The following SLC44A1 variants were observed in gnomAD, a reference collection of about 807,000 sequenced individuals.
SLC44A1 encodes the protein solute carrier family 44 member 1.
In SLC44A1, 26 loss-of-function variants were observed where a neutral mutation model predicts 79.3. The ratio of observed to expected loss-of-function variants is 0.33; its 90% CI spans 0.24 to 0.46. The LOEUF (loss-of-function observed/expected upper bound fraction) is 0.46, where lower values mean the gene tolerates loss of function less well. Ranked by LOEUF, SLC44A1 falls within the 20% of genes least tolerant of loss-of-function variation. The pLI is 1.00. For missense variants in SLC44A1, 688 were observed against 798.1 expected, an observed-to-expected ratio of 0.86 and a Z score of 1.66; for synonymous variants, 263 against 286.2, an observed-to-expected ratio of 0.92 and a Z score of 0.82.
intron 2 of SLC44A1, among the ~76,000 whole-genome samples, chr9:105,300,986 T>TCTCAAA (rs1830863451): frequency 6.6e-6 from 1 of 152,078 alleles, no homozygotes; most frequent in Non-Finnish European, 1.5e-5. Flanking sequence ...GCCAGGCTGA[T>TCTCAAA]CTCAAACTCC....
chr9:105,259,075 C>T (rs1344779107), intron 1 of SLC44A1, among the ~76,000 whole-genome samples: 4 of 152,118 alleles, frequency 2.6e-5, no homozygotes, highest in East Asian at 1.9e-4. Flanking sequence ...GGCCAGGGTA[C>T]GACAGTTTGG....
At chr9:105,251,016 C>G (rs1054307410) in intron 1 of SLC44A1, among the ~76,000 whole-genome samples, 1 of 152,144 alleles carries the variant, frequency 6.6e-6, no homozygotes, top group Non-Finnish European at 1.5e-5. Context: ...CTTCCTTACC[C>G]TTTCTCTAGG....
chr9:105,405,536 G>C (rs1457906823), intron 15 of SLC44A1, among the ~76,000 whole-genome samples: 1 of 152,132 alleles, frequency 6.6e-6, no homozygotes, highest in Non-Finnish European at 1.5e-5. Flanking sequence ...TAACTTATCT[G>C]CATACCATCT....
chr9:105,297,042 T>C (rs1830742430), intron 1 of SLC44A1, among the ~76,000 whole-genome samples: 1 of 152,170 alleles, frequency 6.6e-6, no homozygotes, highest in South Asian at 2.1e-4. Context: ...TACATTCCTC[T>C]GGGAAAAAAA....
intron 1 of SLC44A1, among the ~76,000 whole-genome samples, chr9:105,293,144 A>G (rs1448149486): frequency 2.0e-5 from 3 of 152,192 alleles, no homozygotes; most frequent in Non-Finnish European, 2.9e-5. Flanking sequence ...GTGAGTGAGC[A>G]AGATCCTGTC....
intron 15 of SLC44A1, among the ~76,000 whole-genome samples, chr9:105,434,744 A>G (rs746434277): frequency 2.0e-5 from 3 of 152,216 alleles, no homozygotes; most frequent in Admixed American, 6.5e-5. Flanking sequence ...GTTCAAGGAT[A>G]GTAGGAAAGA....
chr9:105,424,061 G>A (rs970621973), intron 15 of SLC44A1, among the ~76,000 whole-genome samples: 3 of 152,196 alleles, frequency 2.0e-5, no homozygotes, highest in Admixed American at 2.0e-4. Context: ...CATATGTACA[G>A]TATTGTACTT....
At chr9:105,413,909 T>G (rs1355487347) in intron 15 of SLC44A1, among the ~76,000 whole-genome samples, 1 of 152,046 alleles carries the variant, frequency 6.6e-6, no homozygotes, top group Admixed American at 6.6e-5. Flanking sequence ...TGTAAAGCAG[T>G]ATTGAGCACA....
intron 13 of SLC44A1, 119 bp downstream of exon 13, chr9:105,374,854 A>G (rs7034136): frequency 0.044 from 31,067 of 710,900 alleles, 2,852 homozygotes; most frequent in African/African-American, 0.3. Flanking sequence ...GCGAGTACTT[A>G]GAAAGCCCTT....
chr9:105,373,997 C>G (rs1280246734), intron 12 of SLC44A1, among the ~76,000 whole-genome samples: 3 of 152,192 alleles, frequency 2.0e-5, no homozygotes, highest in Non-Finnish European at 4.4e-5. Context: ...GACAGTCTCA[C>G]TGGGATTGAG....
rs1828867657 is a variant in SLC44A1, at chr9:105,395,936, C to A, written c.*6880C>A. ...TTTGTAAATTGTATTAGATACCCCA[C>A]AGGAATGTGACAATAATAGGATAGC... On this transcript the variant is annotated 3_prime_UTR_variant, in exon 16 of 16. Transcript: ENST00000374720. 1.0e-6 allele frequency: 1 copy of A among 982,094 alleles called. No homozygotes were observed. Among genetic ancestry groups the A allele is most frequent in the African/African-American group, 1.8e-5 (1 of 56,346 alleles). 60.8% of individuals were successfully genotyped at this position (982,094 alleles called of 1,614,324 possible).
chr9:105,291,828 C>T (rs1041914349), intron 1 of SLC44A1, among the ~76,000 whole-genome samples: 1 of 152,188 alleles, frequency 6.6e-6, no homozygotes, highest in African/African-American at 2.4e-5. Flanking sequence ...CAGCTTAACT[C>T]TCCTTACTAG....
rs57226567 is a variant in SLC44A1, at chr9:105,392,403, C to CTTTTTT, written c.*3369_*3374dup. ...GTAGAGATGCTCTCTCTCTCTCTCT[C>CTTTTTT]TTTTTTTTTTTTTTTTTTTTTTTTT... is the stretch of plus-strand genomic sequence containing the variant. On this transcript the variant is annotated 3_prime_UTR_variant, in exon 16 of 16. Transcript: ENST00000374720. 2.9e-5 allele frequency: 18 copies of CTTTTTT among 610,888 alleles called. No individual in the cohort carries two copies. Among genetic ancestry groups the CTTTTTT allele is most frequent in the African/African-American group, 2.4e-4 (6 of 24,870 alleles). The allele number at this position is 610,888 out of a possible 1,614,324, so 37.8% of individuals were successfully genotyped here. A position where few individuals can be genotyped will look rare whatever the true frequency, so the allele number is the denominator to read the frequency against.
At position 105,397,141 on chromosome 9, in the gene SLC44A1, G is replaced by A. The variant is rs1389971629; in HGVS notation, c.*8085G>A. ...TCTGAATTGGATGGAATTCCATCTGGCTTCAGAGAACAATCAGCCTATATG... is the reference window on the plus strand; with the variant it reads ...TCTGAATTGGATGGAATTCCATCTGACTTCAGAGAACAATCAGCCTATATG... On this transcript the variant is annotated 3_prime_UTR_variant, in exon 16 of 16. Coordinates refer to ENST00000374720, the MANE Select transcript of SLC44A1 (RefSeq NM_080546.5). 2.0e-6 allele frequency: 2 copies of A among 985,220 alleles called. No individual in the cohort carries two copies. Among genetic ancestry groups the A allele is most frequent in the Admixed American group, 1.2e-4 (2 of 16,262 alleles). The allele number at this position is 985,220 out of a possible 1,614,324, so 61.0% of individuals were successfully genotyped here. A position where few individuals can be genotyped will look rare whatever the true frequency, so the allele number is the denominator to read the frequency against.
At chr9:105,334,927 T>C (rs1292482933) in intron 3 of SLC44A1, among the ~76,000 whole-genome samples, 1 of 152,172 alleles carries the variant, frequency 6.6e-6, no homozygotes, top group Non-Finnish European at 1.5e-5. Context: ...TCAAAAGTAA[T>C]TGGCATTCTT....
At position 105,284,113 on chromosome 9, in the gene SLC44A1, T is replaced by C. The variant is rs191341124; in HGVS notation, c.37-15107T>C. ...CAGTATCAAGGTTTATCTGTCACAC[T>C]TTTATTTTTCACTATAACTACCCAG... On this transcript the variant is annotated intron_variant, in intron 1 of 15. Transcript: ENST00000374720. Among the ~76,000 whole-genome samples, 9 of 152,322 alleles carry C rather than the reference T, an allele frequency of 5.9e-5. No homozygotes were observed. The East Asian group carries it at 1.5e-3, about 26-fold the overall frequency.
chr9:105,361,371 T>C, intron 8 of SLC44A1, 41 bp downstream of exon 8: 2 of 1,540,476 alleles, frequency 1.3e-6, no homozygotes, highest in Non-Finnish European at 1.7e-6. Context: ...TTTGTGTTTT[T>C]GTTTGCAGGA....
intron 9 of SLC44A1, among the ~76,000 whole-genome samples, chr9:105,363,515 A>T (rs775185363): frequency 6.7e-6 from 1 of 150,076 alleles, no homozygotes; most frequent in African/African-American, 2.5e-5. Context: ...CACAAACTGG[A>T]GTGCAGTGGT....
intron 1 of SLC44A1, among the ~76,000 whole-genome samples, chr9:105,250,671 GCTTAATCT>G (rs1829562784): frequency 6.6e-6 from 1 of 152,124 alleles, no homozygotes; most frequent in Non-Finnish European, 1.5e-5. Context: ...TTAGAAACCT[GCTTAATCT>G]CTTAATCTCT....
Sources: gnomAD v4.1 joint callset for allele counts (sites outside exome capture counted in the v4.1 genomes callset) on GRCh38, gnomAD v4.1.1 for gene constraint, MANE v1.5 for transcripts, NCBI Gene and HGNC (gene_info 2026-07-23, HGNC 2026-07-21) for gene names.